The following SEC13 variants were observed in gnomAD, a reference collection of about 807,000 sequenced individuals.
The protein encoded by SEC13 is protein SEC13 homolog.
A neutral mutation model predicts 49.2 loss-of-function variants in SEC13; 25 were observed. The ratio of observed to expected loss-of-function variants is 0.51; its 90% CI spans 0.37 to 0.71. The LOEUF is 0.71. SEC13 is among the 30% of genes least tolerant of loss of function. SEC13 has a pLI of 0.00. For synonymous variants in SEC13, 148 were observed against 163.9 expected (o/e 0.90, Z 0.74); for missense variants, 383 against 417.6 (o/e 0.92, Z 0.72).
intron 2 of SEC13, among the ~76,000 whole-genome samples, chr3:10,316,722 T>G (rs1701629506): frequency 6.6e-6 from 1 of 152,176 alleles, no homozygotes; most frequent in Non-Finnish European, 1.5e-5. Flanking sequence ...TTAAACAAGA[T>G]ATTGAATGAA....
At chr3:10,301,469 C>G (rs956778080) in intron 8 of SEC13, 95 bp from the exon 9 acceptor site, 8 of 1,513,708 alleles carry the variant, frequency 5.3e-6, no homozygotes, top group Non-Finnish European at 7.2e-6. Context: ...GAACCACTGC[C>G]CAGAGGCTTG....
At chr3:10,310,422 C>T (rs770059010) in intron 5 of SEC13, among the ~76,000 whole-genome samples, 3 of 151,984 alleles carry the variant, frequency 2.0e-5, no homozygotes, top group African/African-American at 7.3e-5. Context: ...ACCTGGGAGG[C>T]GGGGGTTGCA....
chr3:10,313,859 A>G (rs1701440920), intron 3 of SEC13: 1 of 154,658 alleles, frequency 6.5e-6, no homozygotes, highest in Non-Finnish European at 1.4e-5. Flanking sequence ...CTGCATAGAG[A>G]AGCTTGATTT....
intron 1 of SEC13, chr3:10,319,082 C>A: frequency 6.8e-7 from 1 of 1,466,110 alleles, no homozygotes. Context: ...CTCTTAAATT[C>A]TTGGGATAGA....
intron 1 of SEC13, among the ~76,000 whole-genome samples, chr3:10,319,785 A>T: frequency 2.7e-5 from 1 of 36,816 alleles, no homozygotes; most frequent in African/African-American, 1.3e-4. Flanking sequence ...AGAGAGAGAG[A>T]GAGAGAGAGA....
chr3:10,319,277 C>A (rs1453962574), intron 1 of SEC13: 1 of 1,607,620 alleles, frequency 6.2e-7, no homozygotes, highest in Admixed American at 1.7e-5. Context: ...CAGGTTCTCT[C>A]ATCAGATTCT....
rs1322069190 is a variant in SEC13 at position 10,301,213 on chromosome 3, G to T, written c.*48C>A. 1 of 1,614,022 alleles carries T rather than the reference G, an allele frequency of 6.2e-7. No individual in the cohort carries two copies. The highest frequency in any genetic ancestry group is 8.5e-7 in the Non-Finnish European group (1 of 1,180,000). On this transcript the variant is annotated 3_prime_UTR_variant, in exon 9 of 9. Transcript: ENST00000350697. The stretch of plus-strand genomic sequence containing the variant: ...TTGTCTGGTTAGTTGGCCCAGGAAG[G>T]GGCAGTCCTGGAGCTGGCGGGTGGG...
At chr3:10,316,957 C>T (rs1018728185) in intron 2 of SEC13, among the ~76,000 whole-genome samples, 2 of 146,896 alleles carry the variant, frequency 1.4e-5, no homozygotes, top group Non-Finnish European at 3.0e-5. Flanking sequence ...GCTGAGATCA[C>T]GCCACTGCAT....
intron 1 of SEC13, chr3:10,319,280 C>T: frequency 6.2e-7 from 1 of 1,606,966 alleles, no homozygotes; most frequent in Non-Finnish European, 8.5e-7. Context: ...GTTCTCTCAT[C>T]AGATTCTAGA....
intron 8 of SEC13, among the ~76,000 whole-genome samples, chr3:10,302,310 CGATTTT>C (rs2125238829): frequency 6.6e-6 from 1 of 152,180 alleles, no homozygotes; most frequent in East Asian, 1.9e-4. Flanking sequence ...ATGAAAATAA[CGATTTT>C]GATTTTAAGA....
At position 10,315,377 on chromosome 3, in the gene SEC13, G is replaced by A. The variant is rs760100035; in HGVS notation, c.108C>T (p.Ser36=). The A allele has an allele frequency of 2.6e-5, 42 of 1,611,546 alleles. No homozygotes were observed. Among genetic ancestry groups the A allele is most frequent in the Non-Finnish European group, 3.6e-5 (42 of 1,179,024 alleles). ...TRLATCSSDR[S]VKIFDVRNGG... Reference sequence around the variant, plus strand: ...CATTGCGCACATCAAAGATTTTGACGGACCTGTCTGATGAGCAGGTTGCCA... The same window carrying A: ...CATTGCGCACATCAAAGATTTTGACAGACCTGTCTGATGAGCAGGTTGCCA... The change falls in exon 3 of 9, where the codon TCC becomes TCT. Residue 36 remains serine, a synonymous_variant. Coordinates refer to ENST00000350697, the MANE Select transcript of SEC13 (RefSeq NM_183352.3).
At chr3:10,313,919 A>C (rs1352937600) in intron 3 of SEC13, 1 of 153,714 alleles carries the variant, frequency 6.5e-6, no homozygotes, top group African/African-American at 2.4e-5. Flanking sequence ...GGGAGCTTCT[A>C]GGCCCATTTC....
At chr3:10,302,538 T>TGG (rs1462412526) in intron 8 of SEC13, among the ~76,000 whole-genome samples, 1 of 152,138 alleles carries the variant, frequency 6.6e-6, no homozygotes, top group African/African-American at 2.4e-5. Context: ...AAAAAGTCAC[T>TGG]GGGGGCCTGC....
At position 10,303,931 on chromosome 3, in the gene SEC13, C is replaced by A. The variant is rs763273430; in HGVS notation, c.855+95G>T. ...AGTCCTGGCTAAGGCTCCTGCCCAG[C>A]CTGCAGTCAGATGGGAATGTCAAGT... On this transcript the variant is annotated intron_variant, in intron 8 of 8. Transcript: ENST00000350697. The A allele has an allele frequency of 6.4e-6, 9 of 1,396,678 alleles. No individual in the cohort carries two copies. The South Asian group carries it at 1.1e-4, about 17-fold the overall frequency. The allele number at this position is 1,396,678 out of a possible 1,614,324, so 86.5% of individuals were successfully genotyped here.
Position 10,304,258 on chromosome 3 carries a change from G to A in SEC13, c.709-86C>T, listed in dbSNP as rs1700725109. The stretch of plus-strand genomic sequence containing the variant: ...TGTCCTCCCAGTCTAGAGCCACCCG[G>A]CACCTCTCTGCAGGAACAGGGTGGG... On this transcript the variant is annotated intron_variant, in intron 7 of 8. Transcript: ENST00000350697. 24 of 1,377,876 alleles carry A rather than the reference G, an allele frequency of 1.7e-5. No individual in the cohort carries two copies. In the South Asian group the frequency reaches 2.3e-4, roughly 13 times the overall value. The allele number at this position is 1,377,876 out of a possible 1,614,324, so 85.4% of individuals were successfully genotyped here.
At chr3:10,319,004 G>A (rs370883717) in intron 1 of SEC13, 3 of 793,702 alleles carry the variant, frequency 3.8e-6, no homozygotes, top group East Asian at 2.8e-5. Flanking sequence ...GGAACTCAGC[G>A]ACTATTTGCT....
At chr3:10,304,976 G>A (rs1700774830) in intron 7 of SEC13, 57 bp downstream of exon 7, 1 of 1,611,704 alleles carries the variant, frequency 6.2e-7, no homozygotes, top group South Asian at 1.1e-5. Context: ...GAGACTAAGA[G>A]CTGATGGGCC....
chr3:10,315,718 G>C (rs1029547209), intron 2 of SEC13, among the ~76,000 whole-genome samples: 1 of 151,720 alleles, frequency 6.6e-6, no homozygotes, highest in African/African-American at 2.4e-5. Context: ...CCGCAGGGTG[G>C]GTATGGGAGA....
chr3:10,304,525 G>A (rs1178792685), intron 7 of SEC13, among the ~76,000 whole-genome samples: 2 of 152,128 alleles, frequency 1.3e-5, no homozygotes, highest in East Asian at 1.9e-4. Flanking sequence ...CCAAGAATGA[G>A]AAGGCACAAG....
Sources: allele counts gnomAD v4.1 joint callset (sites outside exome capture counted in the v4.1 genomes callset), GRCh38; gene constraint gnomAD v4.1.1; transcripts MANE v1.5; gene names NCBI Gene and HGNC (gene_info 2026-07-23, HGNC 2026-07-21).